The following ZMYND8 variants were observed in gnomAD, a reference collection of about 807,000 sequenced individuals.
The protein encoded by ZMYND8 is zinc finger MYND-type containing 8.
In ZMYND8, 37 loss-of-function variants were observed where a neutral mutation model predicts 140.8. That is an observed-to-expected ratio of 0.26 (90% confidence interval 0.20 to 0.35). ZMYND8 has a LOEUF of 0.35. ZMYND8 is among the 10% of genes least tolerant of loss of function. The pLI, the probability that ZMYND8 is intolerant of heterozygous loss-of-function variation, is 1.00. For missense variants in ZMYND8, 1,068 were observed against 1,570.0 expected (o/e 0.68, Z 5.40); for synonymous variants, 592 against 597.1 (o/e 0.99, Z 0.12).
At chr20:47,229,386 T>C (rs2038168965) in intron 17 of ZMYND8, among the ~76,000 whole-genome samples, 1 of 152,102 alleles carries the variant, frequency 6.6e-6, no homozygotes, top group African/African-American at 2.4e-5. Flanking sequence ...AAGAAGCACT[T>C]GTATTAAAAA....
At chr20:47,300,739 G>C (rs184445392) in intron 3 of ZMYND8, among the ~76,000 whole-genome samples, 1 of 152,140 alleles carries the variant, frequency 6.6e-6, no homozygotes, top group African/African-American at 2.4e-5. Flanking sequence ...ATTTGAGACA[G>C]GGTCTTGCTC....
chr20:47,263,510 G>A (rs1349484492), intron 11 of ZMYND8, among the ~76,000 whole-genome samples: 1 of 152,166 alleles, frequency 6.6e-6, no homozygotes, highest in Admixed American at 6.5e-5. Flanking sequence ...CATACCACTC[G>A]GCTGGTGAAT....
intron 2 of ZMYND8, chr20:47,319,328 C>T: frequency 3.5e-6 from 1 of 286,760 alleles, no homozygotes; most frequent in Admixed American, 5.0e-5. Context: ...TGAATAAATA[C>T]GAGGAACTGC....
At chr20:47,259,208 T>C (rs2074978639) in intron 12 of ZMYND8, among the ~76,000 whole-genome samples, 1 of 152,038 alleles carries the variant, frequency 6.6e-6, no homozygotes, top group Non-Finnish European at 1.5e-5. Context: ...CTTTTCAGGG[T>C]GTGGAGGTGG....
intron 3 of ZMYND8, among the ~76,000 whole-genome samples, chr20:47,305,021 C>T (rs2078366008): frequency 1.3e-5 from 2 of 152,060 alleles, no homozygotes; most frequent in Non-Finnish European, 2.9e-5. Flanking sequence ...GGTGGGAGAA[C>T]AGCTTGAGCC....
Position 47,313,593 on chromosome 20 carries a change from A to G in ZMYND8, c.86-3389T>C, listed in dbSNP as rs148654111. On this transcript the variant is annotated intron_variant, in intron 2 of 22. Coordinates refer to ENST00000471951, the MANE Select transcript of ZMYND8 (RefSeq NM_001281775.3). ...GCCAAGATCGCACCACTGCACTCCA[A>G]CCTGGGCAACAGAGGGGTGAGACTC... is the stretch of plus-strand genomic sequence containing the variant. Among the ~76,000 whole-genome samples the G allele has an allele frequency of 3.2e-3, 485 of 150,008 alleles. 2 individuals are homozygous for G. Among genetic ancestry groups the G allele is most frequent in the East Asian group, 0.016 (79 of 5,020 alleles).
chr20:47,288,777 G>A (rs911913315), intron 7 of ZMYND8, among the ~76,000 whole-genome samples: 2 of 152,160 alleles, frequency 1.3e-5, no homozygotes, highest in Non-Finnish European at 2.9e-5. Flanking sequence ...AATATGGTGC[G>A]TAAAGCAGAT....
intron 2 of ZMYND8, among the ~76,000 whole-genome samples, chr20:47,315,054 G>A (rs975902923): frequency 1.3e-5 from 2 of 151,984 alleles, no homozygotes; most frequent in African/African-American, 4.8e-5. Flanking sequence ...AAAACTTCAG[G>A]GCCCCCAGAG....
At chr20:47,345,033 G>C (rs2082224728) in intron 2 of ZMYND8, among the ~76,000 whole-genome samples, 1 of 152,146 alleles carries the variant, frequency 6.6e-6, no homozygotes, top group Non-Finnish European at 1.5e-5. Context: ...TGGGAAGATA[G>C]CTTGAGCCCA....
chr20:47,239,240 C>A, intron 14 of ZMYND8, 102 bp from the exon 15 acceptor site: 1 of 1,399,932 alleles, frequency 7.1e-7, no homozygotes, highest in Non-Finnish European at 9.3e-7. Flanking sequence ...CTATGAAAGC[C>A]AGGAATGCCG....
intron 12 of ZMYND8, among the ~76,000 whole-genome samples, chr20:47,259,530 C>T (rs1379607289): frequency 6.6e-6 from 1 of 152,124 alleles, no homozygotes; most frequent in African/African-American, 2.4e-5. Context: ...CGCCAACCAC[C>T]AAAGGCGTGG....
At chr20:47,278,275 AC>A (rs1194969096) in intron 10 of ZMYND8, among the ~76,000 whole-genome samples, 3 of 152,176 alleles carry the variant, frequency 2.0e-5, no homozygotes, top group African/African-American at 7.2e-5. Flanking sequence ...GAGCCGCTGC[AC>A]CCAACCTCCA....
Position 47,347,908 on chromosome 20 carries a change from T to A in ZMYND8, c.33A>T (p.Ile11=), listed in dbSNP as rs374844913. ...CCTCTACCACCTCCTGTTCTGTTTT[T>A]ATTTCCTCTTCAGCCAAGCTGAAAC... MHPQSLAEEE[I]KTEQEVVEGM... is the part of the protein sequence containing the mutation. The change falls in exon 2 of 23, where the codon ATA becomes ATT. Residue 11 remains isoleucine, a synonymous_variant. Transcript: ENST00000471951. 1 of 1,614,024 alleles carries A rather than the reference T, an allele frequency of 6.2e-7. No individual in the cohort carries two copies. Among genetic ancestry groups the A allele is most frequent in the Non-Finnish European group, 8.5e-7 (1 of 1,180,036 alleles).
At chr20:47,271,688 A>G (rs1022660151) in intron 11 of ZMYND8, among the ~76,000 whole-genome samples, 2 of 152,048 alleles carry the variant, frequency 1.3e-5, no homozygotes, top group African/African-American at 4.8e-5. Flanking sequence ...TATTTCATTG[A>G]CTGATCGATT....
At chr20:47,249,801 A>G (rs2147333828) in intron 12 of ZMYND8, among the ~76,000 whole-genome samples, 1 of 152,330 alleles carries the variant, frequency 6.6e-6, no homozygotes, top group South Asian at 2.1e-4. Flanking sequence ...CAGTGAACAA[A>G]GCAACACTGA....
chr20:47,313,848 G>C (rs563751740), intron 2 of ZMYND8, among the ~76,000 whole-genome samples: 3 of 151,844 alleles, frequency 2.0e-5, no homozygotes. Context: ...CAGGAGAATC[G>C]ATTGAGCCCA....
rs561642282 is a variant in ZMYND8 at position 47,287,511 on chromosome 20, G to T, written c.749-227C>A. Among the ~76,000 whole-genome samples, 21 of 152,270 alleles carry T rather than the reference G, an allele frequency of 1.4e-4. No homozygotes were observed. In the East Asian group the frequency reaches 4.1e-3, roughly 29 times the overall value. On this transcript the variant is annotated intron_variant, in intron 7 of 22. Coordinates refer to ENST00000471951, the MANE Select transcript of ZMYND8 (RefSeq NM_001281775.3). ...TCGATGTCATCTTCTCTGCAACTGA[G>T]CAATTTATGTGGGTTTCCCTAGAGA... is the stretch of plus-strand genomic sequence containing the variant.
At chr20:47,301,769 CTATGTGTATAAGG>C (rs1218179724) in intron 3 of ZMYND8, among the ~76,000 whole-genome samples, 3 of 152,108 alleles carry the variant, frequency 2.0e-5, no homozygotes, top group Non-Finnish European at 2.9e-5. Context: ...TACCTTCAGG[CTATGTGTATAAGG>C]TATGTGATAT....
At chr20:47,333,744 A>AAAAAAAC (rs2148472187) in intron 2 of ZMYND8, among the ~76,000 whole-genome samples, 1 of 146,026 alleles carries the variant, frequency 6.8e-6, no homozygotes, top group African/African-American at 2.6e-5. Flanking sequence ...AAAAAAAAAA[A>AAAAAAAC]AAAAAAAAAA....
Sources: allele counts gnomAD v4.1 joint callset (sites outside exome capture counted in the v4.1 genomes callset), GRCh38; gene constraint gnomAD v4.1.1; transcripts MANE v1.5; gene names NCBI Gene and HGNC (gene_info 2026-07-23, HGNC 2026-07-21).